Variants in GPHN observed in about 807,000 individuals in gnomAD.
The protein encoded by GPHN is gephyrin.
GPHN carries 17 observed loss-of-function variants against 95.5 expected under a neutral mutation model. The ratio of observed to expected loss-of-function variants is 0.18; its 90% CI spans 0.12 to 0.27. The LOEUF (loss-of-function observed/expected upper bound fraction) is 0.27. Among genes scored for constraint, GPHN ranks in the 10% least tolerant of loss-of-function variants. The pLI, the probability that GPHN is intolerant of heterozygous loss-of-function variation, is 1.00. For synonymous variants in GPHN, 320 were observed against 322.5 expected (o/e 0.99, Z 0.08); for missense variants, 660 against 978.1 (o/e 0.67, Z 4.34).
chr14:66,662,054 T>C (rs1046895738), intron 1 of GPHN, among the ~76,000 whole-genome samples: 1 of 152,190 alleles, frequency 6.6e-6, no homozygotes, highest in African/African-American at 2.4e-5. Flanking sequence ...AGGAGTGGGC[T>C]GCCATTTTTT....
chr14:67,210,768 T>G, the GPHN span, among the ~76,000 whole-genome samples: 12 of 152,030 alleles, frequency 7.9e-5, no homozygotes, highest in African/African-American at 2.9e-4. Flanking sequence ...ATCCCAGCAC[T>G]TAGGGAGGCC....
intron 1 of GPHN, among the ~76,000 whole-genome samples, chr14:66,555,867 G>T (rs1463512119): frequency 6.6e-6 from 1 of 152,006 alleles, no homozygotes; most frequent in Non-Finnish European, 1.5e-5. Context: ...TATTATTTAT[G>T]TGTTTCATGT....
chr14:66,852,595 A>G (rs2062635429), intron 4 of GPHN, among the ~76,000 whole-genome samples: 1 of 152,188 alleles, frequency 6.6e-6, no homozygotes, highest in Non-Finnish European at 1.5e-5. Context: ...ATGCATGCCT[A>G]AGGAGAATAA....
the GPHN span, among the ~76,000 whole-genome samples, chr14:67,294,169 T>C: frequency 6.6e-6 from 1 of 152,330 alleles, no homozygotes; most frequent in Non-Finnish European, 1.5e-5. Flanking sequence ...TTAAAAGTAC[T>C]GTATAAAGGA....
chr14:67,524,315 A>G, the GPHN span, among the ~76,000 whole-genome samples: 2 of 152,118 alleles, frequency 1.3e-5, no homozygotes, highest in Non-Finnish European at 2.9e-5. Flanking sequence ...CTGGACCCCA[A>G]TCCCTGTCGT....
At chr14:67,016,438 G>A (rs2073317594) in intron 9 of GPHN, among the ~76,000 whole-genome samples, 1 of 151,898 alleles carries the variant, frequency 6.6e-6, no homozygotes, top group Admixed American at 6.5e-5. Flanking sequence ...TATAACCATT[G>A]AAGTAAAAGG....
intron 1 of GPHN, among the ~76,000 whole-genome samples, chr14:66,545,026 C>T (rs1020109994): frequency 6.6e-6 from 1 of 152,238 alleles, no homozygotes; most frequent in African/African-American, 2.4e-5. Context: ...ATTTCTCACT[C>T]TTTTCCCCAC....
intron 1 of GPHN, among the ~76,000 whole-genome samples, chr14:66,516,865 C>T (rs1394712091): frequency 6.6e-6 from 1 of 152,102 alleles, no homozygotes; most frequent in East Asian, 1.9e-4. Flanking sequence ...GGCACAGGGG[C>T]TCACGCCTGT....
intron 9 of GPHN, among the ~76,000 whole-genome samples, chr14:67,019,091 T>C (rs2073463982): frequency 6.6e-6 from 1 of 152,234 alleles, no homozygotes; most frequent in Non-Finnish European, 1.5e-5. Context: ...AGTTGAATTT[T>C]TTCCTGAAGA....
At chr14:67,652,475 C>A in the GPHN span, 1 of 181,372 alleles carries the variant, frequency 5.5e-6, no homozygotes, top group East Asian at 1.3e-4. Context: ...ATCAGCTCTA[C>A]CACCCTTTAG....
the GPHN span, among the ~76,000 whole-genome samples, chr14:67,202,134 A>G: frequency 6.6e-6 from 1 of 152,316 alleles, no homozygotes; most frequent in South Asian, 2.1e-4. Flanking sequence ...TGTTAAACAC[A>G]GCCATTATTA....
the GPHN span, among the ~76,000 whole-genome samples, chr14:67,482,825 C>T: frequency 6.6e-6 from 1 of 152,126 alleles, no homozygotes; most frequent in Non-Finnish European, 1.5e-5. Context: ...TGGGTGCCCC[C>T]CAAGGAAAGC....
the GPHN span, among the ~76,000 whole-genome samples, chr14:67,629,318 T>G: frequency 6.6e-6 from 1 of 152,176 alleles, no homozygotes; most frequent in East Asian, 1.9e-4. Flanking sequence ...TCTGGCAGCA[T>G]GGACAACAGA....
chr14:66,840,974 GATATAGATA>G (rs2062053963), intron 4 of GPHN, among the ~76,000 whole-genome samples: 1 of 2,568 alleles, frequency 3.9e-4, no homozygotes, highest in Non-Finnish European at 1.0e-3. Context: ...CTACTAGATA[GATATAGATA>G]TAGATATAGA....
At chr14:67,586,678 G>T in the GPHN span, 1 of 550,530 alleles carries the variant, frequency 1.8e-6, no homozygotes, top group South Asian at 2.0e-5. Flanking sequence ...GTGATTAACT[G>T]GAAACCCTGT....
intron 19 of GPHN, among the ~76,000 whole-genome samples, chr14:67,162,393 C>G (rs2082028082): frequency 6.6e-6 from 1 of 152,186 alleles, no homozygotes; most frequent in Non-Finnish European, 1.5e-5. Context: ...GTAATAAGAA[C>G]TTAAAGGTAA....
the GPHN span, chr14:67,365,069 C>T: frequency 1.4e-6 from 2 of 1,468,998 alleles, no homozygotes; most frequent in East Asian, 2.5e-5. Flanking sequence ...TTTAAAAATA[C>T]ATTTTTTGTA....
At chr14:67,697,502 T>A in the GPHN span, among the ~76,000 whole-genome samples, 3 of 152,228 alleles carry the variant, frequency 2.0e-5, no homozygotes, top group Admixed American at 6.5e-5. Context: ...GCTTAAATAC[T>A]GCTTAATTAT....
chr14:66,641,417 A>T (rs2064403657), intron 1 of GPHN, among the ~76,000 whole-genome samples: 1 of 152,200 alleles, frequency 6.6e-6, no homozygotes, highest in African/African-American at 2.4e-5. Flanking sequence ...CTCAGGATAT[A>T]GCCTCATTAT....
Sources: allele counts gnomAD v4.1 joint callset (sites outside exome capture counted in the v4.1 genomes callset), GRCh38; gene constraint gnomAD v4.1.1; transcripts MANE v1.5; gene names NCBI Gene and HGNC (gene_info 2026-07-23, HGNC 2026-07-21).